BTBD8: variants seen among roughly 807,000 people sequenced by gnomAD.
BTBD8 encodes the protein BTB/POZ domain-containing protein 8.
In BTBD8, 110 loss-of-function variants were observed where a neutral mutation model predicts 162.9. The ratio of observed to expected loss-of-function variants is 0.68; its 90% confidence interval spans 0.58 to 0.79. The LOEUF (loss-of-function observed/expected upper bound fraction) is 0.79, where lower values mean the gene tolerates loss of function less well. BTBD8 is among the 30% of genes least tolerant of loss of function. BTBD8 has a pLI of 0.00. For synonymous variants in BTBD8, 667 were observed against 716.1 expected (o/e 0.93, Z 1.10); for missense variants, 1,905 against 2,085.4 (o/e 0.91, Z 1.68).
intron 2 of BTBD8, among the ~76,000 whole-genome samples, chr1:92,098,203 T>G (rs1648502554): frequency 6.6e-6 from 1 of 152,190 alleles, no homozygotes; most frequent in Non-Finnish European, 1.5e-5. Context: ...AAATCCATGT[T>G]TCCAGATATC....
At chr1:92,110,833 G>A (rs934786284) in intron 4 of BTBD8, among the ~76,000 whole-genome samples, 4 of 152,022 alleles carry the variant, frequency 2.6e-5, no homozygotes, top group Admixed American at 2.0e-4. Context: ...GTGAGCTACC[G>A]CACCTGGCTG....
chr1:92,092,097 A>G (rs1234213485), intron 2 of BTBD8, among the ~76,000 whole-genome samples: 1 of 152,116 alleles, frequency 6.6e-6, no homozygotes, highest in Non-Finnish European at 1.5e-5. Context: ...CATAAGGATT[A>G]GTGCCTGTAT....
intron 13 of BTBD8, among the ~76,000 whole-genome samples, chr1:92,175,531 A>G (rs896967377): frequency 6.8e-6 from 1 of 146,818 alleles, no homozygotes; most frequent in Non-Finnish European, 1.5e-5. Context: ...ACAGTGGCTC[A>G]TGCCTGTGAT....
At chr1:92,134,895 A>ATTTT (rs11375777) in intron 5 of BTBD8, among the ~76,000 whole-genome samples, 1 of 144,370 alleles carries the variant, frequency 6.9e-6, no homozygotes, top group African/African-American at 2.5e-5. Context: ...TAATTAATTA[A>ATTTT]TTTTTTTTTT....
rs551668923 is a variant in BTBD8, at chr1:92,184,608, A to G, written c.*278A>G. ...TTCCTAGCTGATGATTTGTTCACTT[A>G]ATCATTATTCAAGAATTTAAAATGT... On this transcript the variant is annotated 3_prime_UTR_variant, in exon 18 of 18. Transcript: ENST00000636805. The G allele has an allele frequency of 3.9e-6, 1 of 257,550 alleles. No individual in the cohort carries two copies. Among genetic ancestry groups the G allele is most frequent in the Admixed American group, 4.9e-5 (1 of 20,588 alleles). The allele number at this position is 257,550 out of a possible 1,614,324, so 16.0% of individuals were successfully genotyped here. A position where few individuals can be genotyped will look rare whatever the true frequency, so the allele number is the denominator to read the frequency against.
chr1:92,097,225 T>TC (rs746054606), intron 2 of BTBD8, among the ~76,000 whole-genome samples: 4 of 151,952 alleles, frequency 2.6e-5, no homozygotes, highest in Non-Finnish European at 4.4e-5. Flanking sequence ...TGGTATTTTC[T>TC]CCCCCGCCTA....
chr1:92,086,034 A>G (rs1368199923), intron 1 of BTBD8, among the ~76,000 whole-genome samples: 3 of 152,156 alleles, frequency 2.0e-5, no homozygotes, highest in African/African-American at 7.2e-5. Context: ...CAAGCGCATG[A>G]TCTACAGCTG....
intron 9 of BTBD8, among the ~76,000 whole-genome samples, chr1:92,166,528 A>G (rs1455739912): frequency 6.7e-6 from 1 of 148,556 alleles, no homozygotes; most frequent in East Asian, 2.0e-4. Flanking sequence ...GAGTTCAAGC[A>G]ACTCTCCTCC....
At chr1:92,119,064 G>C (rs1440441693) in intron 4 of BTBD8, among the ~76,000 whole-genome samples, 2 of 151,460 alleles carry the variant, frequency 1.3e-5, no homozygotes, top group Non-Finnish European at 2.9e-5. Flanking sequence ...AGTGGTGGGT[G>C]AATGTGAAGG....
chr1:92,166,244 A>G (rs1029810996), intron 9 of BTBD8, among the ~76,000 whole-genome samples: 2 of 152,132 alleles, frequency 1.3e-5, no homozygotes, highest in African/African-American at 4.8e-5. Context: ...ATTTGCATAA[A>G]GAAACATATT....
chr1:92,171,995 G>T (rs1650559562), intron 13 of BTBD8, among the ~76,000 whole-genome samples: 2 of 152,112 alleles, frequency 1.3e-5, no homozygotes, highest in African/African-American at 4.8e-5. Flanking sequence ...GGAGGCTGAG[G>T]GAGGAGAATT....
At chr1:92,084,571 A>G (rs1235590856) in intron 1 of BTBD8, among the ~76,000 whole-genome samples, 1 of 152,178 alleles carries the variant, frequency 6.6e-6, no homozygotes, top group African/African-American at 2.4e-5. Context: ...ATAAACTTCC[A>G]TGCTGTTTGC....
At chr1:92,113,094 T>C (rs1033999708) in intron 4 of BTBD8, among the ~76,000 whole-genome samples, 1 of 152,230 alleles carries the variant, frequency 6.6e-6, no homozygotes, top group Non-Finnish European at 1.5e-5. Flanking sequence ...AAATTAAACT[T>C]AATCAAAAGG....
chr1:92,088,723 G>A lies in BTBD8; in HGVS notation c.175G>A (p.Asp59Asn). The change falls in exon 2 of 18, where the codon GAT (aspartate) becomes AAT (asparagine). Residue 59 changes from aspartate to asparagine, a missense_variant. This residue lies in a region of BTBD8 where 1,374 missense variants were observed against 1,442.7 expected (regional missense o/e 0.95). Transcript: ENST00000636805. ...GCTTCTAAGGGAAGAATTCCATACA[G>A]ATGTTACCTTCTCTGTGGGTTGTAC... ...LRLLREEFHT[D>N]VTFSVGCTLF... is the part of the protein sequence containing the mutation. 3 of 1,610,286 alleles carry A rather than the reference G, an allele frequency of 1.9e-6. No individual in the cohort carries two copies. Among genetic ancestry groups the A allele is most frequent in the Non-Finnish European group, 2.5e-6 (3 of 1,178,050 alleles).
intron 7 of BTBD8, among the ~76,000 whole-genome samples, chr1:92,146,685 G>A (rs1649931328): frequency 6.6e-6 from 1 of 152,104 alleles, no homozygotes; most frequent in African/African-American, 2.4e-5. Context: ...TTTCCGGGAT[G>A]TAATATAGTT....
chr1:92,089,034 G>C (rs2101893203), intron 2 of BTBD8, 139 bp downstream of exon 2: 1 of 793,834 alleles, frequency 1.3e-6, no homozygotes, highest in Non-Finnish European at 1.9e-6. Context: ...AATTATCTTA[G>C]TAATTAGTGT....
chr1:92,135,715 T>G (rs1331444386), intron 5 of BTBD8, among the ~76,000 whole-genome samples: 1 of 152,198 alleles, frequency 6.6e-6, no homozygotes, highest in African/African-American at 2.4e-5. Context: ...GCAGGAAAAC[T>G]ATTTCTTACC....
chr1:92,129,656 T>C, intron 4 of BTBD8, 31 bp from the exon 5 acceptor site: 2 of 1,488,042 alleles, frequency 1.3e-6, no homozygotes, highest in East Asian at 2.3e-5. Context: ...TGTAAATGTT[T>C]ACCTGTGTTT....
At chr1:92,118,631 C>G (rs1465964098) in intron 4 of BTBD8, among the ~76,000 whole-genome samples, 1 of 151,904 alleles carries the variant, frequency 6.6e-6, no homozygotes, top group East Asian at 1.9e-4. Context: ...AAGTAATGTT[C>G]TACCTCCTTG....
Sources: allele counts gnomAD v4.1 joint callset (sites outside exome capture counted in the v4.1 genomes callset), GRCh38; gene constraint gnomAD v4.1.1; regional missense constraint gnomAD v4.1.1; transcripts MANE v1.5; gene names NCBI Gene and HGNC (gene_info 2026-07-23, HGNC 2026-07-21).